TENM4: variants seen among roughly 807,000 people sequenced by gnomAD.
The protein encoded by TENM4 is teneurin transmembrane protein 4.
Under a neutral mutation model 243.3 loss-of-function variants are expected in TENM4, and 82 were observed. The ratio of observed to expected loss-of-function variants is 0.34; its 90% CI spans 0.28 to 0.40. The LOEUF is 0.40. TENM4 is among the 10% of genes least tolerant of loss of function. The pLI is 1.00. For synonymous variants in TENM4, 1,412 were observed against 1,456.3 expected (o/e 0.97, Z 0.69); for missense variants, 3,138 against 3,673.3 (o/e 0.85, Z 3.77).
intron 12 of TENM4, 78 bp from the exon 13 acceptor site, chr11:78,814,473 T>C: frequency 7.8e-7 from 1 of 1,277,256 alleles, no homozygotes; most frequent in Non-Finnish European, 1.1e-6. Flanking sequence ...AAGCTTTAGG[T>C]TAGCCAAGAC....
chr11:79,012,509 T>C (rs948376129), intron 6 of TENM4, among the ~76,000 whole-genome samples: 1 of 152,050 alleles, frequency 6.6e-6, no homozygotes. Flanking sequence ...AAGGAGAAAA[T>C]TGAGGCAGTT....
intron 18 of TENM4, among the ~76,000 whole-genome samples, chr11:78,764,213 G>T (rs1165897295): frequency 6.6e-6 from 1 of 152,226 alleles, no homozygotes; most frequent in Non-Finnish European, 1.5e-5. Flanking sequence ...TTAAAGATGG[G>T]GGCAAGGCCA....
At chr11:78,748,543 T>C (rs933643543) in intron 19 of TENM4, among the ~76,000 whole-genome samples, 2 of 152,210 alleles carry the variant, frequency 1.3e-5, no homozygotes, top group African/African-American at 4.8e-5. Context: ...CTGAAGATGC[T>C]GAGCAGGGAA....
chr11:78,773,087 T>C (rs1856672944), intron 17 of TENM4, among the ~76,000 whole-genome samples: 1 of 152,232 alleles, frequency 6.6e-6, no homozygotes, highest in Non-Finnish European at 1.5e-5. Context: ...TAGTCTCATG[T>C]CAATTTTTGT....
chr11:78,699,046 A>C (rs1859041498), intron 28 of TENM4, among the ~76,000 whole-genome samples: 1 of 152,188 alleles, frequency 6.6e-6, no homozygotes, highest in South Asian at 2.1e-4. Context: ...TGATTAGTTT[A>C]CTTGCAGTTG....
rs112404657 is a variant in TENM4, at chr11:79,429,560, G to GA, written c.-321+10948dup. Among the ~76,000 whole-genome samples, 565 of 146,454 alleles carry GA rather than the reference G, an allele frequency of 3.9e-3. 3 individuals carry two copies. The highest frequency in any genetic ancestry group is 0.019 in the South Asian group (89 of 4,624). ...CACTTCTATTTTCTATTTTCTAACT[G>GA]AAAAAAAAAAATGATGGAAGCATAG... is the stretch of plus-strand genomic sequence containing the variant. On this transcript the variant is annotated intron_variant, in intron 1 of 33. Transcript: ENST00000278550.
rs551903484 is a variant in TENM4 at position 78,672,849 on chromosome 11, C to G, written c.5497-520G>C. ...GACTCTCACACATACAACGTGCCCC[C>G]AAACACTCAGTGGCCCTCTGAGCAA... On this transcript the variant is annotated intron_variant, in intron 30 of 33. Coordinates refer to ENST00000278550, the MANE Select transcript of TENM4 (RefSeq NM_001098816.3). 1.0e-3 allele frequency among the ~76,000 whole-genome samples: 155 copies of G among 152,172 alleles called. 1 individual carries two copies. The highest frequency in any genetic ancestry group is 6.2e-3 in the East Asian group (32 of 5,134).
intron 6 of TENM4, among the ~76,000 whole-genome samples, chr11:78,944,781 A>T (rs148449825): frequency 6.6e-6 from 1 of 152,152 alleles, no homozygotes; most frequent in East Asian, 1.9e-4. Flanking sequence ...CTGTATCTTC[A>T]CTTCCCTTTG....
At position 79,064,868 on chromosome 11, in the gene TENM4, CGTGTCAG is replaced by C. The variant is rs1860200999; in HGVS notation, c.356_362del (p.Ala119GlyfsTer80). Reference sequence around the variant, plus strand: ...GCACGGGGTGCTCAGGGGACAGCACCGTGTCAGCCTCCATGTCGGCATCAGAGCCAGC... The same window carrying C: ...GCACGGGGTGCTCAGGGGACAGCACCCCTCCATGTCGGCATCAGAGCCAGC... On this transcript the variant is annotated frameshift_variant, in exon 6 of 34. Coordinates refer to ENST00000278550, the MANE Select transcript of TENM4 (RefSeq NM_001098816.3). LOFTEE classifies it high-confidence loss of function. The C allele has an allele frequency of 6.4e-7, 1 of 1,550,702 alleles. No homozygotes were observed. Among genetic ancestry groups the C allele is most frequent in the Admixed American group, 2.0e-5 (1 of 50,930 alleles).
At position 78,836,077 on chromosome 11, in the gene TENM4, G is replaced by C. The variant is rs192337678; in HGVS notation, c.1681+18027C>G. ...CAGTGAGAAAGCCTTTCAGGGTTGG[G>C]GGCAGTATGGTGGCTCATGCCTGTA... On this transcript the variant is annotated intron_variant, in intron 12 of 33. Coordinates refer to ENST00000278550, the MANE Select transcript of TENM4 (RefSeq NM_001098816.3). 1.1e-4 allele frequency among the ~76,000 whole-genome samples: 17 copies of C among 152,380 alleles called. No homozygotes were observed. The East Asian group carries it at 2.9e-3, about 26-fold the overall frequency.
intron 2 of TENM4, among the ~76,000 whole-genome samples, chr11:79,276,570 A>T (rs1856060200): frequency 6.6e-6 from 1 of 152,206 alleles, no homozygotes; most frequent in Non-Finnish European, 1.5e-5. Flanking sequence ...GCGCCCCCTG[A>T]TGCCTGGGCC....
chr11:79,421,687 C>T (rs1057509331), intron 1 of TENM4, among the ~76,000 whole-genome samples: 18 of 150,846 alleles, frequency 1.2e-4, no homozygotes, highest in African/African-American at 3.7e-4. Flanking sequence ...AATGTGTAAT[C>T]TTCCCTGGCT....
At chr11:79,369,409 CT>C (rs1010434227) in intron 1 of TENM4, among the ~76,000 whole-genome samples, 1,704 of 151,824 alleles carry the variant, frequency 0.011, 31 homozygotes, top group African/African-American at 0.039. Flanking sequence ...ACTGCTTTCA[CT>C]TTTTTTTTCT....
At chr11:79,083,028 C>G (rs1440870503) in intron 4 of TENM4, among the ~76,000 whole-genome samples, 5 of 152,070 alleles carry the variant, frequency 3.3e-5, no homozygotes, top group Non-Finnish European at 7.4e-5. Context: ...GCTAATTGTG[C>G]CCAGAGTTCT....
chr11:78,951,783 T>A (rs1857113566), intron 6 of TENM4, among the ~76,000 whole-genome samples: 1 of 152,194 alleles, frequency 6.6e-6, no homozygotes, highest in South Asian at 2.1e-4. Flanking sequence ...TCTGATGCCA[T>A]CACATAGAGA....
At chr11:78,850,843 C>T (rs1332674990) in intron 12 of TENM4, among the ~76,000 whole-genome samples, 1 of 152,124 alleles carries the variant, frequency 6.6e-6, no homozygotes, top group African/African-American at 2.4e-5. Flanking sequence ...ATTTTCCAAA[C>T]AAGAAGAATG....
intron 6 of TENM4, among the ~76,000 whole-genome samples, chr11:79,057,342 C>CCA (rs144567499): frequency 0.047 from 7,082 of 151,964 alleles, 579 homozygotes; most frequent in African/African-American, 0.16. Context: ...TTCAAACTAG[C>CCA]CACACACACA....
chr11:78,887,259 T>C (rs1855567492), intron 9 of TENM4, among the ~76,000 whole-genome samples: 1 of 152,238 alleles, frequency 6.6e-6, no homozygotes, highest in Non-Finnish European at 1.5e-5. Context: ...GCTCCCTTGC[T>C]TTGAAATACC....
At position 78,975,598 on chromosome 11, in the gene TENM4, CCACA is replaced by C. The variant is rs148902494; in HGVS notation, c.494-72079_494-72076del. ...TATTACTTCCTTGGGATACACACAC[CCACA>C]CACACACACACACACATATATATAT... On this transcript the variant is annotated intron_variant, in intron 6 of 33. Coordinates refer to ENST00000278550, the MANE Select transcript of TENM4 (RefSeq NM_001098816.3). Among the ~76,000 whole-genome samples, 9 of 148,188 alleles carry C rather than the reference CCACA, an allele frequency of 6.1e-5. 1 individual carries two copies. Among genetic ancestry groups the C allele is most frequent in the South Asian group, 2.2e-4 (1 of 4,606 alleles).
Sources: allele counts gnomAD v4.1 joint callset (sites outside exome capture counted in the v4.1 genomes callset), GRCh38; gene constraint gnomAD v4.1.1; transcripts MANE v1.5; gene names NCBI Gene and HGNC (gene_info 2026-07-23, HGNC 2026-07-21).